Variants in CHSY1 observed in about 807,000 individuals in gnomAD.
CHSY1 encodes N-acetylgalactosaminyl-proteoglycan 3-beta-glucuronosyltransferase 1.
Under a neutral mutation model 59.8 loss-of-function variants are expected in CHSY1, and 13 were observed. The observed-to-expected ratio is 0.22, with a 90% CI of 0.14 to 0.35. The LOEUF (loss-of-function observed/expected upper bound fraction) is 0.35, where lower values mean the gene tolerates loss of function less well. CHSY1 is among the 10% of genes least tolerant of loss of function. The probability of loss-of-function intolerance (pLI) is 1.00; values close to 1 mark genes in which losing one functional copy is unlikely to be tolerated. For missense variants in CHSY1, 947 were observed against 1,030.6 expected (o/e 0.92, Z 1.11); for synonymous variants, 459 against 401.2 (o/e 1.14, Z -1.72).
chr15:101,220,775 T>C (rs1165779018), intron 2 of CHSY1, among the ~76,000 whole-genome samples: 1 of 152,220 alleles, frequency 6.6e-6, no homozygotes, highest in Non-Finnish European at 1.5e-5. Flanking sequence ...TAACTCAGCT[T>C]CCGTGTTTTC....
At chr15:101,210,892 G>T (rs1003250531) in intron 2 of CHSY1, among the ~76,000 whole-genome samples, 3 of 152,222 alleles carry the variant, frequency 2.0e-5, no homozygotes, top group Non-Finnish European at 2.9e-5. Context: ...ATACTTGTCA[G>T]ATATGGGCTT....
rs556065115 is a variant in CHSY1, at chr15:101,177,477, T to C, written c.2320A>G (p.Thr774Ala). The change falls in exon 3 of 3, where the codon ACC becomes GCC. Residue 774 changes from threonine to alanine, a missense_variant. Thr to Ala is a moderately conservative substitution (Grantham distance 58). Transcript: ENST00000254190. ...LGSKASTYGS[T>A]QQLAEMWLEK... ...AGCCACATCTCAGCCAGCTGCTGGG[T>C]GGACCCATAGGTCGATGCTTTGGAC... 5 of 1,613,594 alleles carry C rather than the reference T, an allele frequency of 3.1e-6. No individual in the cohort carries two copies. The Admixed American group carries it at 8.3e-5, about 27-fold the overall frequency.
intron 2 of CHSY1, among the ~76,000 whole-genome samples, chr15:101,206,046 C>T (rs1334430410): frequency 2.6e-5 from 4 of 152,124 alleles, no homozygotes; most frequent in Non-Finnish European, 5.9e-5. Context: ...GACAGTAATA[C>T]GCTCCATCAC....
At chr15:101,245,662 G>C (rs1364736981) in intron 1 of CHSY1, among the ~76,000 whole-genome samples, 1 of 152,150 alleles carries the variant, frequency 6.6e-6, no homozygotes, top group Non-Finnish European at 1.5e-5. Context: ...TCTATCCCTG[G>C]AATCAATCCG....
intron 2 of CHSY1, among the ~76,000 whole-genome samples, chr15:101,217,378 T>C (rs991757613): frequency 6.6e-6 from 1 of 152,216 alleles, no homozygotes; most frequent in Non-Finnish European, 1.5e-5. Context: ...TGGGTTAGTA[T>C]ACACATAGGT....
chr15:101,218,788 T>A (rs2038760436), intron 2 of CHSY1, among the ~76,000 whole-genome samples: 2 of 152,116 alleles, frequency 1.3e-5, no homozygotes, highest in African/African-American at 4.8e-5. Context: ...CCAACAGCTG[T>A]CACTTGAATA....
chr15:101,217,084 T>C (rs774427900), intron 2 of CHSY1, among the ~76,000 whole-genome samples: 4 of 152,252 alleles, frequency 2.6e-5, no homozygotes, highest in Non-Finnish European at 5.9e-5. Context: ...AGCACTGTAC[T>C]CTATTTGCTG....
chr15:101,193,287 GAGGGC>G (rs931755526), intron 2 of CHSY1, among the ~76,000 whole-genome samples: 2 of 152,232 alleles, frequency 1.3e-5, no homozygotes, highest in Admixed American at 1.3e-4. Context: ...AGACAGCAGC[GAGGGC>G]AGGGCTGCAG....
intron 1 of CHSY1, among the ~76,000 whole-genome samples, chr15:101,240,350 C>T (rs1283633777): frequency 6.6e-6 from 1 of 152,124 alleles, no homozygotes; most frequent in Non-Finnish European, 1.5e-5. Context: ...GCAAGCTGTC[C>T]CCTCTTCTGC....
Position 101,178,098 on chromosome 15 carries a change from G to C in CHSY1, c.1699C>G (p.Leu567Val). The change falls in exon 3 of 3, where the codon CTC becomes GTC. Residue 567 changes from leucine to valine, a missense_variant. Around this residue, in one of 4 missense-constraint regions of CHSY1, gnomAD observed 602 missense variants for 676.9 expected, o/e 0.89. Coordinates refer to ENST00000254190, the MANE Select transcript of CHSY1 (RefSeq NM_014918.5). ...TCLIPNQNVK[L>V]VVLLFNSDSN... Reference sequence around the variant, plus strand: ...TCAGAATTGAAAAGCAGAACCACGAGCTTGACGTTCTGATTGGGGATAAGA... The same window carrying C: ...TCAGAATTGAAAAGCAGAACCACGACCTTGACGTTCTGATTGGGGATAAGA... The C allele has an allele frequency of 6.2e-7, 1 of 1,614,186 alleles. No individual in the cohort carries two copies. The highest frequency in any genetic ancestry group is 1.3e-5 in the African/African-American group (1 of 75,044).
chr15:101,208,412 A>G (rs912782352), intron 2 of CHSY1, among the ~76,000 whole-genome samples: 1 of 152,296 alleles, frequency 6.6e-6, no homozygotes, highest in South Asian at 2.1e-4. Context: ...TTATAGGGGC[A>G]TATCAAAAAG....
At chr15:101,209,079 T>C (rs960132590) in intron 2 of CHSY1, among the ~76,000 whole-genome samples, 2 of 152,172 alleles carry the variant, frequency 1.3e-5, no homozygotes, top group Non-Finnish European at 2.9e-5. Context: ...ACTCACTAAA[T>C]ATAAAAAGAC....
rs574301602 is a variant in CHSY1, at chr15:101,213,778, G to T, written c.816+21304C>A. On this transcript the variant is annotated intron_variant, in intron 2 of 2. Transcript: ENST00000254190. ...AAGCAAGATGAAACAGAAGATACAG[G>T]TACGAAGAAAAGCAAACTCCCACAT... 4.9e-4 allele frequency among the ~76,000 whole-genome samples: 74 copies of T among 152,234 alleles called. 1 individual carries two copies. The highest frequency in any genetic ancestry group is 3.1e-4 in the Non-Finnish European group (21 of 68,012).
chr15:101,225,009 C>G (rs554154693), intron 2 of CHSY1, among the ~76,000 whole-genome samples: 1 of 152,206 alleles, frequency 6.6e-6, no homozygotes. Flanking sequence ...AAGGGCGTGG[C>G]CCAGGCAACG....
chr15:101,226,857 G>A (rs1168275912), intron 2 of CHSY1, among the ~76,000 whole-genome samples: 1 of 152,206 alleles, frequency 6.6e-6, no homozygotes, highest in African/African-American at 2.4e-5. Context: ...CTTAAACAGA[G>A]TATAAGGCGA....
At chr15:101,237,749 G>C (rs1459191669) in intron 1 of CHSY1, among the ~76,000 whole-genome samples, 1 of 152,216 alleles carries the variant, frequency 6.6e-6, no homozygotes, top group East Asian at 1.9e-4. Flanking sequence ...TCTGTATTCA[G>C]ATCTAAAGTT....
In CHSY1 at chr15:101,201,879, T is replaced by C. The variant is rs1011048637; in HGVS notation, c.817-22899A>G. 5.9e-5 allele frequency among the ~76,000 whole-genome samples: 9 copies of C among 152,150 alleles called. No individual in the cohort carries two copies. In the South Asian group the frequency reaches 1.9e-3, roughly 32 times the overall value. On this transcript the variant is annotated intron_variant, in intron 2 of 2. Transcript: ENST00000254190. ...TGCCTTCATGTTCTCCCAGTAGGTG[T>C]CCAGGAGGGGGTTAGAAGGAATCTC...
intron 1 of CHSY1, among the ~76,000 whole-genome samples, chr15:101,244,289 G>A (rs748542109): frequency 6.6e-6 from 1 of 152,166 alleles, no homozygotes; most frequent in African/African-American, 2.4e-5. Context: ...GCTGCCACCA[G>A]ATCCTCCCCA....
Position 101,183,530 on chromosome 15 carries a change from C to A in CHSY1, c.817-4550G>T, listed in dbSNP as rs75601467. Among the ~76,000 whole-genome samples, 5 of 152,210 alleles carry A rather than the reference C, an allele frequency of 3.3e-5. No homozygotes were observed. In the South Asian group the frequency reaches 1.0e-3, roughly 32 times the overall value. ...TGAGAACAGCAAAAGATGTCAGATA[C>A]TCAGGACTCAATTTTACCTTGCACT... On this transcript the variant is annotated intron_variant, in intron 2 of 2. Transcript: ENST00000254190.
Sources: allele counts gnomAD v4.1 joint callset (sites outside exome capture counted in the v4.1 genomes callset), GRCh38; gene constraint gnomAD v4.1.1; regional missense constraint gnomAD v4.1.1; transcripts MANE v1.5; gene names NCBI Gene and HGNC (gene_info 2026-07-23, HGNC 2026-07-21).